The following SMARCD2 variants were observed in gnomAD, a reference collection of about 807,000 sequenced individuals.
The protein encoded by SMARCD2 is SWI/SNF related BAF chromatin remodeling complex subunit D2.
Under a neutral mutation model 70.4 loss-of-function variants are expected in SMARCD2, and 39 were observed. That is an observed-to-expected ratio of 0.55 (90% confidence interval 0.43 to 0.72). The LOEUF (loss-of-function observed/expected upper bound fraction) is 0.72, where lower values mean the gene tolerates loss of function less well. Ranked by LOEUF, SMARCD2 falls within the 30% of genes least tolerant of loss-of-function variation. SMARCD2 has a pLI of 0.00. For missense variants in SMARCD2, 540 were observed against 713.4 expected, an observed-to-expected ratio of 0.76 and a Z score of 2.77; for synonymous variants, 249 against 279.4, an observed-to-expected ratio of 0.89 and a Z score of 1.08.
At position 63,842,495 on chromosome 17, in the gene SMARCD2, G is replaced by A; in HGVS notation, c.180C>T (p.Arg60=). Residue 60 remains arginine, a synonymous_variant, in exon 1 of 13, where the codon CGC becomes CGT. Transcript: ENST00000448276. ...CCGCGGGGCCCGCGGGGCCCATGGGGCGGAAGGCGGCGGCCCCGGGGCCCC... is the reference window on the plus strand; with the variant it reads ...CCGCGGGGCCCGCGGGGCCCATGGGACGGAAGGCGGCGGCCCCGGGGCCCC... ...GVGGPGAAAF[R]PMGPAGPAAQ... 1 of 1,236,436 alleles carries A rather than the reference G, an allele frequency of 8.1e-7. No individual in the cohort carries two copies. The highest frequency in any genetic ancestry group is 1.0e-6 in the Non-Finnish European group (1 of 992,440). The allele number at this position is 1,236,436 out of a possible 1,614,324, so 76.6% of individuals were successfully genotyped here.
rs936367031 is a variant in SMARCD2 at position 63,835,224 on chromosome 17, G to C, written c.723+188C>G. 10 of 593,356 alleles carry C rather than the reference G, an allele frequency of 1.7e-5. No homozygotes were observed. In the African/African-American group the frequency reaches 1.9e-4, roughly 11 times the overall value. The allele number at this position is 593,356 out of a possible 1,614,324, so 36.8% of individuals were successfully genotyped here. On this transcript the variant is annotated intron_variant, in intron 5 of 12. Coordinates refer to ENST00000448276, the MANE Select transcript of SMARCD2 (RefSeq NM_001098426.2). Reference sequence around the variant, plus strand: ...CTGAAGCTCGACCTCCTGGGCTCAAGCCATCCTCCTGCATCAGCCTTATGA... The same window carrying C: ...CTGAAGCTCGACCTCCTGGGCTCAACCCATCCTCCTGCATCAGCCTTATGA...
chr17:63,833,227 C>A lies in SMARCD2; in HGVS notation c.1441-57G>T. 1.2e-6 allele frequency: 2 copies of A among 1,612,346 alleles called. No individual in the cohort carries two copies. Among genetic ancestry groups the A allele is most frequent in the Non-Finnish European group, 1.7e-6 (2 of 1,178,632 alleles). ...AATCCCCACCCCTGGGCTAATCCACCCTGGGAACTGCTGTGGGTAAAAATC... is the reference window on the plus strand; with the variant it reads ...AATCCCCACCCCTGGGCTAATCCACACTGGGAACTGCTGTGGGTAAAAATC... On this transcript the variant is annotated intron_variant, in intron 11 of 12. Transcript: ENST00000448276. This position sits in a 1 kb window ranked among gnomAD's most constrained non-coding sequence, Gnocchi z 4.3.
At chr17:63,835,980 C>T (rs1172823110) in intron 4 of SMARCD2, among the ~76,000 whole-genome samples, 1 of 152,180 alleles carries the variant, frequency 6.6e-6, no homozygotes, top group Admixed American at 6.5e-5. Context: ...CTGCCCACTT[C>T]GGCCTCCTAA....
At chr17:63,842,269 C>CA (rs1037024206) in intron 1 of SMARCD2, 190 bp downstream of exon 1, 2 of 1,034,646 alleles carry the variant, frequency 1.9e-6, no homozygotes, top group African/African-American at 3.4e-5. Flanking sequence ...CCCTCCGCTG[C>CA]AGAACCTGCT....
At chr17:63,841,421 A>T (rs564398331) in intron 1 of SMARCD2, among the ~76,000 whole-genome samples, 1 of 152,242 alleles carries the variant, frequency 6.6e-6, no homozygotes, top group Non-Finnish European at 1.5e-5. Flanking sequence ...ATGAGCAAGA[A>T]GCCAGTGTCA....
At chr17:63,842,320 G>A (rs959276305) in intron 1 of SMARCD2, 139 bp downstream of exon 1, 33 of 1,168,168 alleles carry the variant, frequency 2.8e-5, no homozygotes, top group Admixed American at 4.8e-5. Context: ...CGCAGCCCGA[G>A]GGTCCCGGCC....
At chr17:63,839,811 T>G (rs1904378373) in intron 1 of SMARCD2, among the ~76,000 whole-genome samples, 1 of 152,084 alleles carries the variant, frequency 6.6e-6, no homozygotes, top group African/African-American at 2.4e-5. Flanking sequence ...TTGGGGAACA[T>G]ACCACCCACT....
Position 63,833,369 on chromosome 17 carries a change from T to C in SMARCD2, c.1369A>G (p.Met457Val). 1.2e-6 allele frequency: 2 copies of C among 1,614,000 alleles called. No homozygotes were observed. The highest frequency in any genetic ancestry group is 1.7e-6 in the Non-Finnish European group (2 of 1,179,880). The change falls in exon 11 of 13, where the codon ATG (methionine) becomes GTG (valine). Residue 457 changes from methionine (M) to valine (V), a missense_variant. Met to Val is a conservative substitution (Grantham distance 21). Coordinates refer to ENST00000448276, the MANE Select transcript of SMARCD2 (RefSeq NM_001098426.2). This position sits in a 1 kb window ranked among gnomAD's most constrained non-coding sequence, Gnocchi z 4.3. ...TGGGGGTCGGTGCTAAAACTGAGCA[T>C]GAAATCTCTCTGGGTCTTCAGCTGG... The part of the protein sequence containing the change: ...INQLKTQRDF[M>V]LSFSTDPQDF...
At chr17:63,838,527 G>T in intron 1 of SMARCD2, 1 of 1,180,540 alleles carries the variant, frequency 8.5e-7, no homozygotes, top group Non-Finnish European at 1.1e-6. Flanking sequence ...ATCCTGGGAG[G>T]CAAGGATAGA....
chr17:63,835,129 T>C, intron 5 of SMARCD2: 1 of 527,560 alleles, frequency 1.9e-6, no homozygotes, highest in Non-Finnish European at 3.3e-6. Flanking sequence ...TCTGGCCCAG[T>C]CTTTTTTTTT....
chr17:63,837,301 C>G lies in SMARCD2; in HGVS notation c.402-64G>C. ...CAAAAAAGGACACTCACTCCCATAA[C>G]GCCCCTCCAGTCTCCAGGACCCTCT... On this transcript the variant is annotated intron_variant, in intron 2 of 12. Transcript: ENST00000448276. The surrounding 1 kb of genome is among the most constrained non-coding windows in gnomAD (Gnocchi z 6.4). 1 of 1,559,232 alleles carries G rather than the reference C, an allele frequency of 6.4e-7. No homozygotes were observed. Among genetic ancestry groups the G allele is most frequent in the South Asian group, 1.1e-5 (1 of 89,932 alleles).
Position 63,837,164 on chromosome 17 carries a change from C to G in SMARCD2, c.444+31G>C, listed in dbSNP as rs767320996. On this transcript the variant is annotated intron_variant, in intron 3 of 12. Transcript: ENST00000448276. This position sits in a 1 kb window ranked among gnomAD's most constrained non-coding sequence, Gnocchi z 6.4. ...CACCCACCCCAAGGTGGCCACTGGG[C>G]AGGCCTCCCAGGTGTCCTCTTAACA... 1 of 1,612,414 alleles carries G rather than the reference C, an allele frequency of 6.2e-7. No homozygotes were observed. Among genetic ancestry groups the G allele is most frequent in the Non-Finnish European group, 8.5e-7 (1 of 1,178,694 alleles).
In SMARCD2 at chr17:63,837,248, C is replaced by T; in HGVS notation, c.402-11G>A. 1.2e-6 allele frequency: 2 copies of T among 1,613,332 alleles called. No homozygotes were observed. Among genetic ancestry groups the T allele is most frequent in the Non-Finnish European group, 8.5e-7 (1 of 1,179,390 alleles). Reference sequence around the variant, plus strand: ...TTCCTCCTCTTTAACCTGGGGAGGACAGAAACCCACTTAAGAGGTCAATGG... The same window carrying T: ...TTCCTCCTCTTTAACCTGGGGAGGATAGAAACCCACTTAAGAGGTCAATGG... On this transcript the variant is annotated splice_polypyrimidine_tract_variant and intron_variant, in intron 2 of 12. Coordinates refer to ENST00000448276, the MANE Select transcript of SMARCD2 (RefSeq NM_001098426.2). The surrounding 1 kb of genome is among the most constrained non-coding windows in gnomAD (Gnocchi z 6.4).
At chr17:63,842,421 GC>G in intron 1 of SMARCD2, 37 bp downstream of exon 1, 2 of 1,326,986 alleles carry the variant, frequency 1.5e-6, no homozygotes, top group African/African-American at 3.1e-5. Flanking sequence ...CCCTCGCAGC[GC>G]CTCTCGCCCC....
chr17:63,842,424 T>A, intron 1 of SMARCD2, 35 bp downstream of exon 1: 1 of 1,329,746 alleles, frequency 7.5e-7, no homozygotes, highest in Non-Finnish European at 9.6e-7. Flanking sequence ...TCGCAGCGCC[T>A]CTCGCCCCCG....
chr17:63,841,086 T>C (rs1454177220), intron 1 of SMARCD2, among the ~76,000 whole-genome samples: 3 of 152,164 alleles, frequency 2.0e-5, no homozygotes, highest in Admixed American at 6.5e-5. Flanking sequence ...AGGGCTACAA[T>C]GAATGATGCA....
Position 63,833,836 on chromosome 17 carries a change from T to G in SMARCD2, c.1181+73A>C, listed in dbSNP as rs1317784798. The G allele has an allele frequency of 2.2e-5, 35 of 1,560,454 alleles. No individual in the cohort carries two copies. The highest frequency in any genetic ancestry group is 1.7e-4 in the Middle Eastern group (1 of 5,956). On this transcript the variant is annotated intron_variant, in intron 9 of 12. Coordinates refer to ENST00000448276, the MANE Select transcript of SMARCD2 (RefSeq NM_001098426.2). This position sits in a 1 kb window ranked among gnomAD's most constrained non-coding sequence, Gnocchi z 4.3. Reference sequence around the variant, plus strand: ...TCAGGGAAAAAGAAACCTGATGCTTTCTTTGGCTTTAGTTCAAGCCAAGGG... The same window carrying G: ...TCAGGGAAAAAGAAACCTGATGCTTGCTTTGGCTTTAGTTCAAGCCAAGGG...
chr17:63,842,409 C>G (rs1329586380), intron 1 of SMARCD2, 50 bp downstream of exon 1: 1 of 1,306,918 alleles, frequency 7.7e-7, no homozygotes, highest in Non-Finnish European at 9.7e-7. Flanking sequence ...CCGGCCCGGG[C>G]GCCCTCGCAG....
chr17:63,832,190 C>T lies in SMARCD2; in HGVS notation c.*748G>A, dbSNP rs2040199310. ...GCTCCAAAGGGCAACACCAGTCCTC[C>T]CAGCCTCCCCATTCACCTTACCCTG... On this transcript the variant is annotated 3_prime_UTR_variant, in exon 13 of 13. Transcript: ENST00000448276. The T allele has an allele frequency of 1.5e-5, 9 of 589,762 alleles. No individual in the cohort carries two copies. The East Asian group carries it at 2.6e-4, about 17-fold the overall frequency. The allele number at this position is 589,762 out of a possible 1,614,324, so 36.5% of individuals were successfully genotyped here.
Sources: gnomAD v4.1 joint callset for allele counts (sites outside exome capture counted in the v4.1 genomes callset) on GRCh38, gnomAD v4.1.1 for gene constraint, Gnocchi (gnomAD v3.1) non-coding constraint, MANE v1.5 for transcripts, NCBI Gene and HGNC (gene_info 2026-07-23, HGNC 2026-07-21) for gene names.